SBF1: variants seen among roughly 807,000 people sequenced by gnomAD.
SBF1 encodes the protein myotubularin-related protein 5.
In SBF1, 65 loss-of-function variants were observed where a neutral mutation model predicts 215.8. The ratio of observed to expected loss-of-function variants is 0.30; its 90% CI spans 0.25 to 0.37. The LOEUF is 0.37. Ranked by LOEUF, SBF1 falls within the 10% of genes least tolerant of loss-of-function variation. SBF1 has a pLI of 1.00. For synonymous variants in SBF1, 1,410 were observed against 1,122.8 expected (o/e 1.26, Z -5.11); for missense variants, 2,634 against 2,667.8 (o/e 0.99, Z 0.28).
Position 50,462,065 on chromosome 22 carries a change from T to C in SBF1, c.2451A>G (p.Ala817=), listed in dbSNP as rs756420605. 6.2e-7 allele frequency: 1 copy of C among 1,614,124 alleles called. No homozygotes were observed. The highest frequency in any genetic ancestry group is 8.5e-7 in the Non-Finnish European group (1 of 1,180,032). The change falls in exon 20 of 41, where the codon GCA becomes GCG. Residue 817 remains alanine (A), a synonymous_variant. Coordinates refer to ENST00000380817, the MANE Select transcript of SBF1 (RefSeq NM_002972.4). ...CAGCCCCAGCTACGTCGCAGGTCTC[T>C]GCATCCTCGAAGCCGCTCTCCGTGT... is the stretch of plus-strand genomic sequence containing the variant. The part of the protein sequence containing the change: ...SYDTESGFED[A]ETCDVAGAVV...
chr22:50,456,451 G>GC, intron 30 of SBF1, 41 bp downstream of exon 30: 3 of 1,523,388 alleles, frequency 2.0e-6, no homozygotes, highest in Non-Finnish European at 2.7e-6. Context: ...GCCCCCTGCC[G>GC]AGCCCCCACC....
chr22:50,473,645 AAC>A (rs1300208688), intron 1 of SBF1, among the ~76,000 whole-genome samples: 3 of 152,126 alleles, frequency 2.0e-5, no homozygotes, highest in Non-Finnish European at 4.4e-5. Context: ...CAGCAGAAGA[AAC>A]ACAAAAAAGA....
At chr22:50,473,969 C>A (rs140040658) in intron 1 of SBF1, among the ~76,000 whole-genome samples, 1 of 152,206 alleles carries the variant, frequency 6.6e-6, no homozygotes, top group South Asian at 2.1e-4. Flanking sequence ...AAGGGCTGTG[C>A]GGGGCCTGGC....
chr22:50,456,992 C>T, intron 29 of SBF1, 42 bp downstream of exon 29: 1 of 1,384,690 alleles, frequency 7.2e-7, no homozygotes, highest in Non-Finnish European at 9.4e-7. Context: ...GCCGCCAGCA[C>T]CAAGTAAGGG....
chr22:50,452,140 TA>T (rs374473892), intron 36 of SBF1, among the ~76,000 whole-genome samples: 14,335 of 113,174 alleles, frequency 0.13, 1,047 homozygotes, highest in African/African-American at 0.25. Flanking sequence ...ACTGCTGAAT[TA>T]AAAAAAAAAA....
In SBF1 at chr22:50,455,359, C is replaced by G. The variant is rs750551763; in HGVS notation, c.4419G>C (p.Glu1473Asp). The change falls in exon 33 of 41, where the codon GAG (glutamate) becomes GAC (aspartate). Residue 1473 changes from glutamate to aspartate, a missense_variant. Physicochemically the swap from Glu to Asp is conservative, Grantham distance 45. Coordinates refer to ENST00000380817, the MANE Select transcript of SBF1 (RefSeq NM_002972.4). ...LLSDPFYRTL[E>D]GFRLLVEKEW... ...CCTTCTCCACCAGCAGGCGAAAGCC[C>G]TCCAGCGTGCGGTAGAAGGGGTCTG... The G allele has an allele frequency of 2.5e-6, 4 of 1,613,376 alleles. No individual in the cohort carries two copies. The African/African-American group carries it at 5.3e-5, about 22-fold the overall frequency.
chr22:50,457,020 GCT>G lies in SBF1; in HGVS notation c.3904+12_3904+13del, dbSNP rs773893142. On this transcript the variant is annotated intron_variant, in intron 29 of 40. Transcript: ENST00000380817. ...AGTAAGGGGAGGCGGGCCTGCGCAGGCTCGGTACGGTACCTCGGGGTGCGGTC... is the reference window on the plus strand; with the variant it reads ...AGTAAGGGGAGGCGGGCCTGCGCAGGCGGTACGGTACCTCGGGGTGCGGTC... 1 of 1,421,434 alleles carries G rather than the reference GCT, an allele frequency of 7.0e-7. No individual in the cohort carries two copies. Among genetic ancestry groups the G allele is most frequent in the Non-Finnish European group, 9.2e-7 (1 of 1,088,198 alleles). 88.1% of individuals were successfully genotyped at this position (1,421,434 alleles called of 1,614,324 possible). A position where few individuals can be genotyped will look rare whatever the true frequency, so the allele number is the denominator to read the frequency against.
Position 50,467,943 on chromosome 22 carries a change from G to A in SBF1, c.142-20C>T. The A allele has an allele frequency of 6.2e-7, 1 of 1,612,816 alleles. No homozygotes were observed. ...GCAAAACTGCAGGGAAGGCTCAGCAGTCAGCTCCTCCCCCTACACCTGTGG... is the reference window on the plus strand; with the variant it reads ...GCAAAACTGCAGGGAAGGCTCAGCAATCAGCTCCTCCCCCTACACCTGTGG... On this transcript the variant is annotated intron_variant, in intron 2 of 40. Transcript: ENST00000380817.
intron 28 of SBF1, 140 bp from the exon 29 acceptor site, chr22:50,457,251 C>T (rs985090246): frequency 8.1e-6 from 5 of 616,724 alleles, no homozygotes; most frequent in South Asian, 3.1e-5. Context: ...AGTCCCTGAT[C>T]GCAGGAAAGT....
chr22:50,465,102 C>T lies in SBF1; in HGVS notation c.1231G>A (p.Val411Ile). The T allele has an allele frequency of 1.2e-6, 2 of 1,614,118 alleles. No homozygotes were observed. The highest frequency in any genetic ancestry group is 1.7e-6 in the Non-Finnish European group (2 of 1,180,008). ...ACCTTCATCAGGAAATCGTCCTCTA[C>T]CAGCCCACGCTGGCCCAGGAAGGCT... is the stretch of plus-strand genomic sequence containing the variant. Reference protein sequence around the residue: ...KAAFLGQRGLVEDDFLMKVLE... With the variant: ...KAAFLGQRGLIEDDFLMKVLE... The change falls in exon 12 of 41, where the codon GTA becomes ATA. Residue 411 changes from valine (V) to isoleucine (I), a missense_variant. By Grantham distance (29) the Val-to-Ile change is conservative. Transcript: ENST00000380817.
At chr22:50,474,488 C>G (rs1271590284) in intron 1 of SBF1, among the ~76,000 whole-genome samples, 1 of 152,200 alleles carries the variant, frequency 6.6e-6, no homozygotes, top group African/African-American at 2.4e-5. Context: ...CAGGCCCGCG[C>G]GGCCACGCCG....
Position 50,455,299 on chromosome 22 carries a change from A to C in SBF1, c.4479T>G (p.Arg1493=). The change falls in exon 33 of 41, where the codon CGT becomes CGG. Residue 1493 remains arginine, a synonymous_variant. Coordinates refer to ENST00000380817, the MANE Select transcript of SBF1 (RefSeq NM_002972.4). ...WLSFGHRFSH[R]GAHTLAGQSS... The stretch of plus-strand genomic sequence containing the variant: ...TCTGCCCGGCCAGGGTGTGAGCTCC[A>C]CGGTGGCTGAAGCGATGGCCGAAGG... The C allele has an allele frequency of 6.2e-7, 1 of 1,613,456 alleles. No homozygotes were observed. The highest frequency in any genetic ancestry group is 1.3e-5 in the African/African-American group (1 of 75,054).
chr22:50,449,834 G>C (rs1312921368), intron 36 of SBF1, among the ~76,000 whole-genome samples: 2 of 152,194 alleles, frequency 1.3e-5, no homozygotes, highest in African/African-American at 4.8e-5. Context: ...AGTCTGAACA[G>C]CCCTCCCTCC....
intron 36 of SBF1, among the ~76,000 whole-genome samples, chr22:50,450,599 G>C (rs1193365437): frequency 6.6e-6 from 1 of 151,908 alleles, no homozygotes; most frequent in Non-Finnish European, 1.5e-5. Flanking sequence ...CAAAAAGCCA[G>C]TGTGGCAAGA....
Position 50,459,974 on chromosome 22 carries a change from G to C in SBF1, c.3469C>G (p.Arg1157Gly). 6.2e-7 allele frequency: 1 copy of C among 1,613,848 alleles called. No homozygotes were observed. The highest frequency in any genetic ancestry group is 8.5e-7 in the Non-Finnish European group (1 of 1,179,952). ...SEPFRISPVN[R>G]MYAICRSYPG... ...CACCTGCGGCAGATGGCATACATGC[G>C]GTTGACCGGAGAAATGCGGAAGGGC... Residue 1157 changes from arginine (R) to glycine (G), a missense_variant, in exon 26 of 41, where the codon CGC becomes GGC. Arg to Gly is a moderately radical substitution (Grantham distance 125, BLOSUM62 -2). Coordinates refer to ENST00000380817, the MANE Select transcript of SBF1 (RefSeq NM_002972.4).
At chr22:50,467,481 G>C in intron 4 of SBF1, 33 bp from the exon 5 acceptor site, 1 of 1,613,866 alleles carries the variant, frequency 6.2e-7, no homozygotes, top group Non-Finnish European at 8.5e-7. Context: ...TGGTGGGACA[G>C]CCGATGGAAG....
At chr22:50,469,465 G>A (rs2067917581) in intron 1 of SBF1, among the ~76,000 whole-genome samples, 2 of 152,240 alleles carry the variant, frequency 1.3e-5, no homozygotes, top group East Asian at 1.9e-4. Flanking sequence ...CACCCCTGGA[G>A]AGCCAAACCA....
At position 50,460,444 on chromosome 22, in the gene SBF1, G is replaced by A. The variant is rs1035340924; in HGVS notation, c.3147-36C>T. 7 of 1,602,162 alleles carry A rather than the reference G, an allele frequency of 4.4e-6. No homozygotes were observed. In the African/African-American group the frequency reaches 6.7e-5, roughly 15 times the overall value. On this transcript the variant is annotated intron_variant, in intron 24 of 40. Coordinates refer to ENST00000380817, the MANE Select transcript of SBF1 (RefSeq NM_002972.4). ...CGAGAGTCAGCAAAGGTGAGAGGAG[G>A]AGGGACAAAGATGAGCACAGGGGCC...
chr22:50,470,494 A>C (rs1300612234), intron 1 of SBF1, among the ~76,000 whole-genome samples: 1 of 152,032 alleles, frequency 6.6e-6, no homozygotes, highest in African/African-American at 2.4e-5. Context: ...CCAATGGCCC[A>C]AGTGGGCCAG....
Sources: allele counts gnomAD v4.1 joint callset (sites outside exome capture counted in the v4.1 genomes callset), GRCh38; gene constraint gnomAD v4.1.1; transcripts MANE v1.5; gene names NCBI Gene and HGNC (gene_info 2026-07-23, HGNC 2026-07-21).